The following HECTD4 variants were observed in gnomAD, a reference collection of about 807,000 sequenced individuals.
The protein encoded by HECTD4 is HECT domain E3 ubiquitin protein ligase 4, also known as probable E3 ubiquitin-protein ligase HECTD4.
In HECTD4, 114 loss-of-function variants were observed where a neutral mutation model predicts 471.5. The observed-to-expected ratio is 0.24, with a 90% CI of 0.21 to 0.28. The LOEUF (loss-of-function observed/expected upper bound fraction) is 0.28, where lower values mean the gene tolerates loss of function less well. Ranked by LOEUF, HECTD4 falls within the 10% of genes least tolerant of loss-of-function variation. The probability of loss-of-function intolerance (pLI) is 1.00; values close to 1 mark genes in which losing one functional copy is unlikely to be tolerated. For missense variants in HECTD4, 3,866 were observed against 5,651.5 expected (o/e 0.68, Z 10.13); for synonymous variants, 2,012 against 2,256.0 (o/e 0.89, Z 3.07).
chr12:112,261,545 C>T (rs1239000705), intron 17 of HECTD4, 116 bp from the exon 18 acceptor site: 2 of 1,063,930 alleles, frequency 1.9e-6, no homozygotes, highest in Admixed American at 2.1e-5. Context: ...ATGAGGTGGA[C>T]AGAATAAGCC....
rs879084568 is a variant in HECTD4 at position 112,273,571 on chromosome 12, CTAT to C, written c.1942+81_1942+83del. On this transcript the variant is annotated intron_variant, in intron 11 of 75. Coordinates refer to ENST00000682272, the MANE Select transcript of HECTD4 (RefSeq NM_001388303.1). ...ACTGGTGACACATTCTGGGGTTGGGCTATGTTTTCACCTACTAATGCTGTGGTA... is the reference window on the plus strand; with the variant it reads ...ACTGGTGACACATTCTGGGGTTGGGCGTTTTCACCTACTAATGCTGTGGTA... The C allele has an allele frequency of 8.7e-5, 114 of 1,305,408 alleles. 1 individual carries two copies. The South Asian group carries it at 1.5e-3, about 17-fold the overall frequency. The allele number at this position is 1,305,408 out of a possible 1,614,324, so 80.9% of individuals were successfully genotyped here. A position where few individuals can be genotyped will look rare whatever the true frequency, so the allele number is the denominator to read the frequency against.
In HECTD4 at chr12:112,382,357, C is replaced by A. The variant is rs1566132268; in HGVS notation, c.-229G>T. On this transcript the variant is annotated 5_prime_UTR_variant, in exon 1 of 76. Transcript: ENST00000682272. Reference sequence around the variant, plus strand: ...CCGCCGCCGCCGCCGCCGCCGCCGCCGCCCTCAGGAGCAGGATCCGCCTCT... The same window carrying A: ...CCGCCGCCGCCGCCGCCGCCGCCGCAGCCCTCAGGAGCAGGATCCGCCTCT... 5 of 398,214 alleles carry A rather than the reference C, an allele frequency of 1.3e-5. No homozygotes were observed. Among genetic ancestry groups the A allele is most frequent in the African/African-American group, 6.5e-5 (3 of 46,268 alleles). The allele number at this position is 398,214 out of a possible 1,614,324, so 24.7% of individuals were successfully genotyped here. A position where few individuals can be genotyped will look rare whatever the true frequency, so the allele number is the denominator to read the frequency against.
At chr12:112,204,649 A>G (rs748168411) in intron 52 of HECTD4, 26 bp from the exon 53 acceptor site, 2 of 1,596,454 alleles carry the variant, frequency 1.3e-6, no homozygotes, top group East Asian at 2.2e-5. Flanking sequence ...GCACAGGGTA[A>G]CTCCCCAAAG....
intron 1 of HECTD4, among the ~76,000 whole-genome samples, chr12:112,379,269 A>G (rs2036844989): frequency 6.6e-6 from 1 of 152,232 alleles, no homozygotes; most frequent in Non-Finnish European, 1.5e-5. Context: ...GTGCTCTTGA[A>G]CAAGTCGAAT....
rs1366019711 is a variant in HECTD4 at position 112,229,790 on chromosome 12, C to T, written c.6427G>A (p.Ala2143Thr). The change falls in exon 41 of 76, where the codon GCC becomes ACC. Residue 2143 changes from alanine to threonine, a missense_variant. By Grantham distance (58) the Ala-to-Thr change is moderately conservative. Transcript: ENST00000682272. ...ENGSSSGRKL[A>T]KLQRIARQAV... ...TGGCGTGCAATTCTCTGAAGTTTGG[C>T]AAGTTTCCTGCCACTGCTGCTGCCA... The T allele has an allele frequency of 6.2e-7, 1 of 1,613,922 alleles. No individual in the cohort carries two copies. Among genetic ancestry groups the T allele is most frequent in the African/African-American group, 1.3e-5 (1 of 74,938 alleles).
At position 112,319,079 on chromosome 12, in the gene HECTD4, C is replaced by T; in HGVS notation, c.695+146G>A. ...TTGGTGAAAGCATCTCATGCACTGT[C>T]AAGGCTGTGAAATTCAATACTGAAA... On this transcript the variant is annotated intron_variant, in intron 2 of 75. Coordinates refer to ENST00000682272, the MANE Select transcript of HECTD4 (RefSeq NM_001388303.1). This position sits in a 1 kb window ranked among gnomAD's most constrained non-coding sequence, Gnocchi z 5.3. 1.1e-6 allele frequency: 1 copy of T among 889,674 alleles called. No homozygotes were observed. Among genetic ancestry groups the T allele is most frequent in the Non-Finnish European group, 1.7e-6 (1 of 599,472 alleles). The allele number at this position is 889,674 out of a possible 1,614,324, so 55.1% of individuals were successfully genotyped here.
intron 1 of HECTD4, among the ~76,000 whole-genome samples, chr12:112,325,196 A>G (rs1164258035): frequency 6.6e-6 from 1 of 152,150 alleles, no homozygotes; most frequent in African/African-American, 2.4e-5. Context: ...TGACCATTCT[A>G]TTTTTACAAG....
In HECTD4 at chr12:112,188,177, T is replaced by C. The variant is rs1346075454; in HGVS notation, c.9472+2609A>G. ...GGTAGCGGGCGCCTGTATTCCCAAC[T>C]ACTCAGGAGGCTGGGGCAGGAGAAT... On this transcript the variant is annotated intron_variant, in intron 60 of 75. Coordinates refer to ENST00000682272, the MANE Select transcript of HECTD4 (RefSeq NM_001388303.1). The surrounding 1 kb of genome is among the most constrained non-coding windows in gnomAD (Gnocchi z 4.2). Among the ~76,000 whole-genome samples the C allele has an allele frequency of 6.6e-6, 1 of 152,020 alleles. No homozygotes were observed.
At chr12:112,174,724 C>T (rs1038027881) in intron 66 of HECTD4, among the ~76,000 whole-genome samples, 1 of 152,056 alleles carries the variant, frequency 6.6e-6, no homozygotes, top group Admixed American at 6.6e-5. Context: ...GCCCCATGCC[C>T]GGCTAATTTT....
chr12:112,337,043 A>C (rs530958225), intron 1 of HECTD4, among the ~76,000 whole-genome samples: 2 of 152,336 alleles, frequency 1.3e-5, no homozygotes, highest in Admixed American at 6.5e-5. Flanking sequence ...TATTAAAATC[A>C]GCAGCGTTTT....
At chr12:112,232,201 GCTCACTGCAACCTCCACCT>G (rs1013844519) in intron 38 of HECTD4, among the ~76,000 whole-genome samples, 2 of 152,116 alleles carry the variant, frequency 1.3e-5, no homozygotes, top group Non-Finnish European at 2.9e-5. Flanking sequence ...TGCGATCTCG[GCTCACTGCAACCTCCACCT>G]CCCAGGTTCA....
At chr12:112,177,377 A>ATTTT (rs766400935) in intron 64 of HECTD4, among the ~76,000 whole-genome samples, 2 of 127,270 alleles carry the variant, frequency 1.6e-5, no homozygotes, top group Non-Finnish European at 3.3e-5. Context: ...TTATGAGGCT[A>ATTTT]TTTTTTTTTT....
chr12:112,272,842 T>A (rs1298812136), intron 11 of HECTD4, among the ~76,000 whole-genome samples: 1 of 152,196 alleles, frequency 6.6e-6, no homozygotes, highest in Admixed American at 6.5e-5. Context: ...TTTTCCACGC[T>A]CTGCTCCCTA....
At chr12:112,282,339 C>T (rs552324206) in intron 8 of HECTD4, among the ~76,000 whole-genome samples, 2 of 151,978 alleles carry the variant, frequency 1.3e-5, no homozygotes, top group South Asian at 4.2e-4. Context: ...GCTGAGATCG[C>T]GCCACTGCAC....
intron 47 of HECTD4, 103 bp downstream of exon 47, chr12:112,216,670 A>G (rs2032926185): frequency 2.2e-6 from 3 of 1,338,336 alleles, no homozygotes; most frequent in Non-Finnish European, 3.1e-6. Flanking sequence ...CCTTTCCCCA[A>G]ACTCACTTGA....
rs1263171568 is a variant in HECTD4, at chr12:112,246,966, T to C, written c.4448A>G (p.His1483Arg). The C allele has an allele frequency of 6.2e-7, 1 of 1,612,286 alleles. No homozygotes were observed. Among genetic ancestry groups the C allele is most frequent in the Non-Finnish European group, 8.5e-7 (1 of 1,179,860 alleles). The change falls in exon 29 of 76, where the codon CAT (histidine) becomes CGT (arginine). Residue 1483 changes from histidine (H) to arginine (R), a missense_variant. Physicochemically the swap from His to Arg is conservative, Grantham distance 29. This residue lies in a region of HECTD4 where 281 missense variants were observed against 499.9 expected (regional missense o/e 0.56). Transcript: ENST00000682272. ...SLMNRAELLL[H>R]VTIAAQSGLT... ...GCCCGACTGGGCTGCGATGGTGACA[T>C]GCAGCAACAGCTCGGCTCGGTTCAT...
At position 112,190,793 on chromosome 12, in the gene HECTD4, C is replaced by A; in HGVS notation, c.9465G>T (p.Glu3155Asp). Residue 3155 changes from glutamate to aspartate, a missense_variant, in exon 60 of 76, where the codon GAG (glutamate) becomes GAT (aspartate). Physicochemically the swap from Glu to Asp is conservative, Grantham distance 45 (BLOSUM62 2). Transcript: ENST00000682272. ...CAGGGAAGGCAGCCTCACCTAGCAG[C>A]TCCACCACCTGCAGGAGGACGGATG... is the stretch of plus-strand genomic sequence containing the variant. Reference protein sequence around the residue: ...IPTSVLLQVVELLGNFLWTTD... With the variant: ...IPTSVLLQVVDLLGNFLWTTD... The A allele has an allele frequency of 6.3e-7, 1 of 1,581,136 alleles. No homozygotes were observed. Among genetic ancestry groups the A allele is most frequent in the East Asian group, 2.3e-5 (1 of 43,124 alleles).
chr12:112,208,426 C>A (rs1181969964), intron 51 of HECTD4, 68 bp downstream of exon 51: 2 of 1,448,038 alleles, frequency 1.4e-6, no homozygotes, highest in African/African-American at 2.8e-5. Flanking sequence ...CTCCTCCAGG[C>A]TTGTCCTAGT....
intron 38 of HECTD4, among the ~76,000 whole-genome samples, chr12:112,232,582 T>C (rs548301806): frequency 2.7e-4 from 41 of 152,322 alleles, no homozygotes; most frequent in Non-Finnish European, 2.4e-4. Flanking sequence ...ATATTACTAT[T>C]GTTTTTATTC....
Sources: allele counts gnomAD v4.1 joint callset (sites outside exome capture counted in the v4.1 genomes callset), GRCh38; gene constraint gnomAD v4.1.1; regional missense constraint gnomAD v4.1.1; non-coding constraint Gnocchi (gnomAD v3.1); transcripts MANE v1.5; gene names NCBI Gene and HGNC (gene_info 2026-07-23, HGNC 2026-07-21).